The following GCNT2 variants were observed in gnomAD, a reference collection of about 807,000 sequenced individuals.
The protein encoded by GCNT2 is glucosaminyl (N-acetyl) transferase 2 (I blood group).
GCNT2 carries 34 observed loss-of-function variants against 34.2 expected under a neutral mutation model. The ratio of observed to expected loss-of-function variants is 1.00; its 90% CI spans 0.76 to 1.32. GCNT2 has a LOEUF of 1.32. Ranked by LOEUF, GCNT2 falls within the 40% of genes most tolerant of loss-of-function variation. GCNT2 has a pLI of 0.00. For missense variants in GCNT2, 584 were observed against 489.4 expected (o/e 1.19, Z -1.82); for synonymous variants, 212 against 188.0 (o/e 1.13, Z -1.04).
chr6:10,586,823 A>T, intron 3 of GCNT2: 1 of 1,613,308 alleles, frequency 6.2e-7, no homozygotes, highest in Non-Finnish European at 8.5e-7. Context: ...ACTTTGTTCT[A>T]CGTGACCAAA....
intron 3 of GCNT2, chr6:10,555,660 A>G: frequency 1.2e-6 from 1 of 812,784 alleles, no homozygotes; most frequent in African/African-American, 1.8e-5. Context: ...TTTCAGAGTC[A>G]GGAGCCCAAG....
At chr6:10,573,491 G>A (rs927464687) in intron 3 of GCNT2, among the ~76,000 whole-genome samples, 2 of 152,166 alleles carry the variant, frequency 1.3e-5, no homozygotes, top group Non-Finnish European at 2.9e-5. Context: ...AAGGTAAGTT[G>A]GGGTGGGGGC....
At chr6:10,565,129 G>T (rs1487701491) in intron 3 of GCNT2, among the ~76,000 whole-genome samples, 1 of 152,204 alleles carries the variant, frequency 6.6e-6, no homozygotes, top group African/African-American at 2.4e-5. Context: ...GGTGAGCCTG[G>T]TGTCTGCAGA....
At chr6:10,606,929 A>G (rs79522452) in intron 3 of GCNT2, among the ~76,000 whole-genome samples, 18,536 of 151,544 alleles carry the variant, frequency 0.12, 1,740 homozygotes, top group African/African-American at 0.26. Flanking sequence ...AGACTAGGTA[A>G]TTTATTTATT....
chr6:10,590,212 A>G (rs1764570217), intron 3 of GCNT2, among the ~76,000 whole-genome samples: 1 of 152,114 alleles, frequency 6.6e-6, no homozygotes, highest in Non-Finnish European at 1.5e-5. Flanking sequence ...AGCCTGGGCA[A>G]CATAGTGAGA....
chr6:10,627,679 C>T lies in GCNT2; in HGVS notation c.*1072C>T, dbSNP rs957272401. 1.3e-5 allele frequency: 2 copies of T among 152,026 alleles called. No homozygotes were observed. The highest frequency in any genetic ancestry group is 4.8e-5 in the African/African-American group (2 of 41,380). 9.4% of individuals were successfully genotyped at this position (152,026 alleles called of 1,614,324 possible). A position where few individuals can be genotyped will look rare whatever the true frequency, so the allele number is the denominator to read the frequency against. On this transcript the variant is annotated 3_prime_UTR_variant, in exon 5 of 5. Coordinates refer to ENST00000495262, the MANE Select transcript of GCNT2 (RefSeq NM_145649.5). ...ATTATGTACAGGACATGTACTGAGACAAAAAGGAAACATAAGAGCTTTTTC... is the reference window on the plus strand; with the variant it reads ...ATTATGTACAGGACATGTACTGAGATAAAAAGGAAACATAAGAGCTTTTTC...
At chr6:10,618,786 G>A (rs1190182505) in intron 3 of GCNT2, among the ~76,000 whole-genome samples, 2 of 152,292 alleles carry the variant, frequency 1.3e-5, no homozygotes, top group South Asian at 4.1e-4. Context: ...TAATTGTAAA[G>A]TATTAAAATG....
At position 10,578,924 on chromosome 6, in the gene GCNT2, CTG is replaced by C. The variant is rs765324050; in HGVS notation, c.926-42423_926-42422del. Among the ~76,000 whole-genome samples the C allele has an allele frequency of 7.8e-4, 119 of 152,132 alleles. 1 individual carries two copies. The highest frequency in any genetic ancestry group is 8.8e-5 in the Non-Finnish European group (6 of 68,028). On this transcript the variant is annotated intron_variant, in intron 3 of 4. Coordinates refer to ENST00000495262, the MANE Select transcript of GCNT2 (RefSeq NM_145649.5). The stretch of plus-strand genomic sequence containing the variant: ...CTGGGAGGAGGCGGAGAACTGGAAA[CTG>C]TGTTAAGTAGGGGTTGACTAAACCC...
chr6:10,549,563 CTTTTTTTTTTTT>C lies in GCNT2; in HGVS notation c.925+19742_925+19753del, dbSNP rs33909973. ...TTCCTTTCTCTCTCAATCTCTCTCT[CTTTTTTTTTTTT>C]TTTTTTTTTTTTTTGAGACAGGGTC... On this transcript the variant is annotated intron_variant, in intron 3 of 4. Coordinates refer to ENST00000495262, the MANE Select transcript of GCNT2 (RefSeq NM_145649.5). 3.0e-4 allele frequency among the ~76,000 whole-genome samples: 31 copies of C among 104,306 alleles called. No homozygotes were observed. The South Asian group carries it at 8.5e-3, about 28-fold the overall frequency. The allele number at this position is 104,306 out of a possible 152,430, so 68.4% of individuals were successfully genotyped here.
intron 3 of GCNT2, among the ~76,000 whole-genome samples, chr6:10,615,774 A>G (rs1765732207): frequency 6.6e-6 from 1 of 152,342 alleles, no homozygotes; most frequent in African/African-American, 2.4e-5. Context: ...ACACTAAACA[A>G]GGAGTGGATT....
chr6:10,546,542 C>G (rs1162856028), intron 3 of GCNT2, among the ~76,000 whole-genome samples: 2 of 152,038 alleles, frequency 1.3e-5, no homozygotes, highest in Non-Finnish European at 2.9e-5. Context: ...GCTTGTAATC[C>G]CAGCTACTCA....
At chr6:10,548,287 C>T (rs913054712) in intron 3 of GCNT2, among the ~76,000 whole-genome samples, 2 of 152,158 alleles carry the variant, frequency 1.3e-5, no homozygotes, top group Admixed American at 6.6e-5. Context: ...CTCCTTAGGT[C>T]AAAGGATTTT....
chr6:10,600,145 C>A (rs1220881876), intron 3 of GCNT2, among the ~76,000 whole-genome samples: 3 of 152,140 alleles, frequency 2.0e-5, no homozygotes, highest in Non-Finnish European at 4.4e-5. Context: ...CTTATAATTT[C>A]TTTCTGAAAT....
intron 3 of GCNT2, among the ~76,000 whole-genome samples, chr6:10,534,139 C>CTTTTTATTTTTTTTTTTTTTTTTT (rs1491129469): frequency 8.1e-6 from 1 of 123,152 alleles, no homozygotes; most frequent in Non-Finnish European, 1.7e-5. Flanking sequence ...TTCCATGCTG[C>CTTTTTATTTTTTTTTTTTTTTTTT]TCTTTTTTTT....
rs546140231 is a variant in GCNT2, at chr6:10,580,496, C to T, written c.926-40855C>T. On this transcript the variant is annotated intron_variant, in intron 3 of 4. Coordinates refer to ENST00000495262, the MANE Select transcript of GCNT2 (RefSeq NM_145649.5). ...GAGATCTGTTTTTGCTTAATTCCTG[C>T]ATCTCGCTTGTGGCCAAAGAGTTTG... Among the ~76,000 whole-genome samples, 7 of 152,196 alleles carry T rather than the reference C, an allele frequency of 4.6e-5. No individual in the cohort carries two copies. The South Asian group carries it at 1.5e-3, about 32-fold the overall frequency.
At position 10,615,983 on chromosome 6, in the gene GCNT2, A is replaced by G. The variant is rs137877192; in HGVS notation, c.926-5368A>G. On this transcript the variant is annotated intron_variant, in intron 3 of 4. Coordinates refer to ENST00000495262, the MANE Select transcript of GCNT2 (RefSeq NM_145649.5). ...GTGCTGACTCCTGTCTCATCCTGCT[A>G]TGTCTGGAATTGGTGGGTTCTTGGT... Among the ~76,000 whole-genome samples, 188 of 152,214 alleles carry G rather than the reference A, an allele frequency of 1.2e-3. 1 individual carries two copies. Among genetic ancestry groups the G allele is most frequent in the African/African-American group, 4.2e-3 (176 of 41,526 alleles).
At chr6:10,608,271 T>G (rs1765410207) in intron 3 of GCNT2, among the ~76,000 whole-genome samples, 1 of 152,146 alleles carries the variant, frequency 6.6e-6, no homozygotes, top group African/African-American at 2.4e-5. Context: ...GAGACGGGGT[T>G]TCTCCATGTT....
chr6:10,612,928 C>G (rs2127437059), intron 3 of GCNT2, among the ~76,000 whole-genome samples: 1 of 152,276 alleles, frequency 6.6e-6, no homozygotes, highest in Non-Finnish European at 1.5e-5. Flanking sequence ...GTGGCTTTTC[C>G]TACATGTTTC....
intron 3 of GCNT2, among the ~76,000 whole-genome samples, chr6:10,604,223 T>A (rs1765214816): frequency 6.6e-6 from 1 of 152,150 alleles, no homozygotes; most frequent in Non-Finnish European, 1.5e-5. Context: ...TTGTTACTTG[T>A]AGGTATTAGA....
Sources: gnomAD v4.1 joint callset for allele counts (sites outside exome capture counted in the v4.1 genomes callset) on GRCh38, gnomAD v4.1.1 for gene constraint, MANE v1.5 for transcripts, NCBI Gene and HGNC (gene_info 2026-07-23, HGNC 2026-07-21) for gene names.